Variants in MAST2 observed in about 807,000 individuals in gnomAD.
MAST2 encodes the protein microtubule-associated serine/threonine-protein kinase 2.
In MAST2, 70 loss-of-function variants were observed where a neutral mutation model predicts 147.4. The ratio of observed to expected loss-of-function variants is 0.47; its 90% CI spans 0.39 to 0.58. The LOEUF (loss-of-function observed/expected upper bound fraction) is 0.58. MAST2 is among the 20% of genes least tolerant of loss of function. The pLI, the probability that MAST2 is intolerant of heterozygous loss-of-function variation, is 0.00. For missense variants in MAST2, 2,080 were observed against 2,302.3 expected (o/e 0.90, Z 1.98); for synonymous variants, 869 against 896.8 (o/e 0.97, Z 0.55).
chr1:45,866,109 T>C (rs1646140595), intron 3 of MAST2, among the ~76,000 whole-genome samples: 1 of 152,220 alleles, frequency 6.6e-6, no homozygotes, highest in Non-Finnish European at 1.5e-5. Context: ...AGAAAATGTA[T>C]AGGATTAGTA....
chr1:45,871,278 A>G (rs868458346), intron 3 of MAST2, among the ~76,000 whole-genome samples: 3 of 141,054 alleles, frequency 2.1e-5, no homozygotes, highest in Non-Finnish European at 4.6e-5. Context: ...TTCTTTTTCT[A>G]TTTCTACTGG....
intron 4 of MAST2, among the ~76,000 whole-genome samples, chr1:45,898,961 T>C (rs897094641): frequency 1.3e-5 from 2 of 152,186 alleles, no homozygotes; most frequent in African/African-American, 4.8e-5. Context: ...ACAGGCCAGA[T>C]TTCCATTGTC....
chr1:45,961,705 C>T (rs2148922760), intron 5 of MAST2, among the ~76,000 whole-genome samples: 1 of 152,318 alleles, frequency 6.6e-6, no homozygotes, highest in South Asian at 2.1e-4. Context: ...GCTGTTGAGA[C>T]AGGCAGCACT....
intron 8 of MAST2, among the ~76,000 whole-genome samples, chr1:46,007,980 CAG>C (rs1645556572): frequency 6.6e-6 from 1 of 152,180 alleles, no homozygotes; most frequent in South Asian, 2.1e-4. Flanking sequence ...TAAGAAGACA[CAG>C]AGAATCCTAC....
chr1:45,949,934 A>T (rs1658684180), intron 4 of MAST2, among the ~76,000 whole-genome samples: 1 of 152,200 alleles, frequency 6.6e-6, no homozygotes, highest in Non-Finnish European at 1.5e-5. Context: ...ATGGAGCTGG[A>T]GGCTACGATC....
intron 5 of MAST2, among the ~76,000 whole-genome samples, chr1:45,970,440 G>A (rs139060540): frequency 0.045 from 6,873 of 152,090 alleles, 499 homozygotes; most frequent in African/African-American, 0.15. Flanking sequence ...CAAGGCAGGC[G>A]GATCACGAGG....
At chr1:45,816,973 G>C (rs1644474998) in intron 1 of MAST2, among the ~76,000 whole-genome samples, 1 of 152,122 alleles carries the variant, frequency 6.6e-6, no homozygotes, top group African/African-American at 2.4e-5. Flanking sequence ...CACAGTGCCT[G>C]GCCCCAGAAG....
At chr1:45,892,381 G>T (rs1647956388) in intron 4 of MAST2, among the ~76,000 whole-genome samples, 1 of 152,124 alleles carries the variant, frequency 6.6e-6, no homozygotes, top group South Asian at 2.1e-4. Context: ...AATACAACTG[G>T]CTCCCTTGCA....
chr1:45,874,197 C>T (rs1209974430), intron 3 of MAST2, among the ~76,000 whole-genome samples: 1 of 152,130 alleles, frequency 6.6e-6, no homozygotes, highest in Non-Finnish European at 1.5e-5. Context: ...GATGGAATCC[C>T]AGGTCACACA....
At chr1:46,029,431 A>G (rs773908210) in intron 18 of MAST2, 35 bp from the exon 19 acceptor site, 41 of 1,565,788 alleles carry the variant, frequency 2.6e-5, no homozygotes, top group Admixed American at 1.2e-4. Flanking sequence ...TCTACCCACA[A>G]TTTCTCCTTT....
At chr1:45,959,763 A>G (rs138120546) in intron 5 of MAST2, among the ~76,000 whole-genome samples, 1 of 152,168 alleles carries the variant, frequency 6.6e-6, no homozygotes, top group African/African-American at 2.4e-5. Context: ...AGTGTGTTCT[A>G]GTGTGTTACA....
chr1:46,025,453 A>G (rs1646368247), intron 15 of MAST2, among the ~76,000 whole-genome samples: 1 of 152,192 alleles, frequency 6.6e-6, no homozygotes. Context: ...CATGGGAATT[A>G]TGGGAGCTGC....
intron 5 of MAST2, among the ~76,000 whole-genome samples, chr1:45,963,961 C>G (rs529691676): frequency 3.3e-4 from 50 of 152,326 alleles, no homozygotes; most frequent in Non-Finnish European, 4.4e-4. Flanking sequence ...TTTTCTGCAT[C>G]TATTGAGATA....
intron 4 of MAST2, among the ~76,000 whole-genome samples, chr1:45,941,636 C>T (rs10789485): frequency 0.28 from 43,205 of 151,914 alleles, 6,265 homozygotes; most frequent in South Asian, 0.39. Flanking sequence ...AACAGTTTTA[C>T]TTATCTTCCA....
chr1:45,808,474 A>G (rs1307232545), intron 1 of MAST2, among the ~76,000 whole-genome samples: 18 of 152,062 alleles, frequency 1.2e-4, no homozygotes, highest in Non-Finnish European at 2.1e-4. Flanking sequence ...CTCCCAAAGT[A>G]TTAGGATTAC....
intron 4 of MAST2, among the ~76,000 whole-genome samples, chr1:45,889,920 A>T (rs1647441015): frequency 6.6e-6 from 1 of 151,950 alleles, no homozygotes; most frequent in African/African-American, 2.4e-5. Flanking sequence ...CGCTGAGCTA[A>T]TTTTTATATT....
Position 45,893,133 on chromosome 1 carries a change from T to C in MAST2, c.500+10738T>C, listed in dbSNP as rs934076298. 4.6e-5 allele frequency among the ~76,000 whole-genome samples: 7 copies of C among 152,210 alleles called. No individual in the cohort carries two copies. The South Asian group carries it at 1.4e-3, about 32-fold the overall frequency. On this transcript the variant is annotated intron_variant, in intron 4 of 28. Transcript: ENST00000361297. ...ATATTTTTATAAAACTCCACTGACC[T>C]AGAAGGTGCTGGATTGAAATGTTAA... is the stretch of plus-strand genomic sequence containing the variant.
intron 5 of MAST2, among the ~76,000 whole-genome samples, chr1:45,990,814 C>T (rs1208456164): frequency 1.3e-5 from 2 of 152,120 alleles, no homozygotes; most frequent in Non-Finnish European, 2.9e-5. Flanking sequence ...GATATTTCCT[C>T]CTAGTCTATG....
At chr1:45,932,086 TGTTTTGCTGCTGTAAA>T (rs1307243352) in intron 4 of MAST2, among the ~76,000 whole-genome samples, 4 of 152,354 alleles carry the variant, frequency 2.6e-5, no homozygotes, top group East Asian at 1.9e-4. Context: ...ATTAACGTGG[TGTTTTGCTGCTGTAAA>T]GTTTTGCTGC....
Sources: gnomAD v4.1 joint callset for allele counts (sites outside exome capture counted in the v4.1 genomes callset) on GRCh38, gnomAD v4.1.1 for gene constraint, MANE v1.5 for transcripts, NCBI Gene and HGNC (gene_info 2026-07-23, HGNC 2026-07-21) for gene names.